CYP7B1: variants seen among roughly 807,000 people sequenced by gnomAD.
CYP7B1 encodes the protein cytochrome P450 family 7 subfamily B member 1.
In CYP7B1, 29 loss-of-function variants were observed where a neutral mutation model predicts 42.7. The ratio of observed to expected loss-of-function variants is 0.68; its 90% CI spans 0.51 to 0.93. The LOEUF (loss-of-function observed/expected upper bound fraction) is 0.93. CYP7B1 is among the 40% of genes least tolerant of loss of function. The pLI, the probability that CYP7B1 is intolerant of heterozygous loss-of-function variation, is 0.00. For synonymous variants in CYP7B1, 235 were observed against 218.2 expected, an observed-to-expected ratio of 1.08 and a Z score of -0.68; for missense variants, 655 against 600.5, an observed-to-expected ratio of 1.09 and a Z score of -0.95.
intron 1 of CYP7B1, among the ~76,000 whole-genome samples, chr8:64,634,134 A>G (rs2129630792): frequency 6.6e-6 from 1 of 152,314 alleles, no homozygotes; most frequent in African/African-American, 2.4e-5. Context: ...GTTGTCATTT[A>G]TTTTGTAGAA....
chr8:64,701,583 G>A (rs1179044570), intron 1 of CYP7B1, among the ~76,000 whole-genome samples: 1 of 151,992 alleles, frequency 6.6e-6, no homozygotes, highest in Non-Finnish European at 1.5e-5. Context: ...GAATGAATGT[G>A]ATTCTGCTTA....
chr8:64,613,801 G>A (rs1585806303), intron 4 of CYP7B1, among the ~76,000 whole-genome samples: 1 of 152,276 alleles, frequency 6.6e-6, no homozygotes, highest in Admixed American at 6.5e-5. Context: ...TTCTGGCATT[G>A]TCTCAATGGG....
At chr8:64,745,021 T>C (rs1807622991) in intron 1 of CYP7B1, among the ~76,000 whole-genome samples, 1 of 152,186 alleles carries the variant, frequency 6.6e-6, no homozygotes, top group African/African-American at 2.4e-5. Flanking sequence ...TGTAGATTTG[T>C]TGGAGAGATT....
chr8:64,727,358 C>T (rs1807339647), intron 1 of CYP7B1, among the ~76,000 whole-genome samples: 2 of 152,122 alleles, frequency 1.3e-5, no homozygotes, highest in Non-Finnish European at 2.9e-5. Flanking sequence ...GCATTTGTTG[C>T]TTTCATTCAA....
intron 1 of CYP7B1, among the ~76,000 whole-genome samples, chr8:64,643,087 G>GTA (rs879449118): frequency 1.3e-3 from 28 of 21,092 alleles, no homozygotes; most frequent in Non-Finnish European, 3.2e-3. Flanking sequence ...GTGTGTGTGT[G>GTA]TATATATATA....
chr8:64,681,500 G>A (rs1214156916), intron 1 of CYP7B1, among the ~76,000 whole-genome samples: 2 of 152,208 alleles, frequency 1.3e-5, no homozygotes, highest in Non-Finnish European at 1.5e-5. Context: ...TTGTAAGGCA[G>A]AAGTGATGGT....
At chr8:64,713,950 T>C (rs1008641219) in intron 1 of CYP7B1, among the ~76,000 whole-genome samples, 8 of 152,230 alleles carry the variant, frequency 5.3e-5, no homozygotes, top group Non-Finnish European at 1.2e-4. Flanking sequence ...CAAGTGCTGC[T>C]TTAAATGCTT....
At chr8:64,635,583 T>C (rs1805757781) in intron 1 of CYP7B1, among the ~76,000 whole-genome samples, 1 of 152,250 alleles carries the variant, frequency 6.6e-6, no homozygotes, top group Admixed American at 6.5e-5. Flanking sequence ...TAAAACTTGA[T>C]TTAATTTTCC....
chr8:64,721,975 TA>T (rs1807243315), intron 1 of CYP7B1, among the ~76,000 whole-genome samples: 1 of 152,182 alleles, frequency 6.6e-6, no homozygotes, highest in Non-Finnish European at 1.5e-5. Context: ...ATTTAACTTA[TA>T]AACCTCGAAT....
At chr8:64,720,188 C>A (rs1245862358) in intron 1 of CYP7B1, among the ~76,000 whole-genome samples, 3 of 151,986 alleles carry the variant, frequency 2.0e-5, no homozygotes, top group Admixed American at 6.6e-5. Flanking sequence ...TTTAGAGACA[C>A]ACAGGTATGG....
At chr8:64,606,702 A>G (rs973801266) in intron 4 of CYP7B1, among the ~76,000 whole-genome samples, 1 of 152,224 alleles carries the variant, frequency 6.6e-6, no homozygotes, top group Non-Finnish European at 1.5e-5. Flanking sequence ...TCAGATAGTA[A>G]GTGACAAATC....
chr8:64,630,268 GA>G (rs1805670334), intron 1 of CYP7B1, among the ~76,000 whole-genome samples: 1 of 152,200 alleles, frequency 6.6e-6, no homozygotes, highest in South Asian at 2.1e-4. Flanking sequence ...GTCATCACCA[GA>G]AATCAGGGCT....
rs150464501 is a variant in CYP7B1 at position 64,593,918 on chromosome 8, A to G, written c.*2724T>C. ...GGGAATCGTAAAACTGAAAAATGTA[A>G]TGATTGAACTTAGCAAACTCAGTGG... On this transcript the variant is annotated 3_prime_UTR_variant, in exon 6 of 6. Coordinates refer to ENST00000310193, the MANE Select transcript of CYP7B1 (RefSeq NM_004820.5). Among the ~76,000 whole-genome samples, 136 of 152,332 alleles carry G rather than the reference A, an allele frequency of 8.9e-4. No homozygotes were observed. The highest frequency in any genetic ancestry group is 3.0e-3 in the African/African-American group (126 of 41,568).
At chr8:64,748,074 C>A (rs1807671476) in intron 1 of CYP7B1, among the ~76,000 whole-genome samples, 1 of 152,118 alleles carries the variant, frequency 6.6e-6, no homozygotes, top group African/African-American at 2.4e-5. Flanking sequence ...TTTGAGCTTG[C>A]CAGCCATGGC....
chr8:64,778,668 C>T (rs1166581162), intron 1 of CYP7B1, among the ~76,000 whole-genome samples: 3 of 152,036 alleles, frequency 2.0e-5, no homozygotes, highest in Non-Finnish European at 4.4e-5. Context: ...CCTTTGATTC[C>T]AGGTTCCTTC....
At chr8:64,766,216 G>A (rs972996457) in intron 1 of CYP7B1, among the ~76,000 whole-genome samples, 7 of 152,304 alleles carry the variant, frequency 4.6e-5, no homozygotes, top group African/African-American at 1.4e-4. Flanking sequence ...AAACTAGGAA[G>A]AAGCCTATAA....
intron 1 of CYP7B1, among the ~76,000 whole-genome samples, chr8:64,669,882 G>A (rs1297718345): frequency 6.6e-6 from 1 of 152,096 alleles, no homozygotes; most frequent in Non-Finnish European, 1.5e-5. Flanking sequence ...GGGAGAACAG[G>A]TATCATTTCA....
chr8:64,638,770 AT>A lies in CYP7B1; in HGVS notation c.123-14232del, dbSNP rs571749079. Among the ~76,000 whole-genome samples, 245 of 152,082 alleles carry A rather than the reference AT, an allele frequency of 1.6e-3. 4 individuals carry two copies. The highest frequency in any genetic ancestry group is 5.6e-4 in the Non-Finnish European group (38 of 67,972). On this transcript the variant is annotated intron_variant, in intron 1 of 5. Transcript: ENST00000310193. ...CTAATTTGTTTCAGGGGCTGGGAGG[AT>A]TAGGAATAACTGGCAGAGAGAACCT...
chr8:64,739,450 C>G (rs1412683389), intron 1 of CYP7B1, among the ~76,000 whole-genome samples: 1 of 152,180 alleles, frequency 6.6e-6, no homozygotes, highest in African/African-American at 2.4e-5. Context: ...CCCCTGGCAC[C>G]TACCACTACA....
Sources: gnomAD v4.1 joint callset for allele counts (sites outside exome capture counted in the v4.1 genomes callset) on GRCh38, gnomAD v4.1.1 for gene constraint, MANE v1.5 for transcripts, NCBI Gene and HGNC (gene_info 2026-07-23, HGNC 2026-07-21) for gene names.